Variants in CYYR1 observed in about 807,000 individuals in gnomAD.
CYYR1 encodes the protein cysteine and tyrosine-rich protein 1.
A neutral mutation model predicts 15.2 loss-of-function variants in CYYR1; 14 were observed. That is an observed-to-expected ratio of 0.92 (90% CI 0.61 to 1.44). CYYR1 has a LOEUF of 1.44. Among genes scored for constraint, CYYR1 ranks in the 40% most tolerant of loss-of-function variants. The pLI, the probability that CYYR1 is intolerant of heterozygous loss-of-function variation, is 0.00. For synonymous variants in CYYR1, 80 were observed against 77.4 expected (o/e 1.03, Z -0.18); for missense variants, 228 against 209.5 (o/e 1.09, Z -0.54).
In CYYR1 at chr21:26,474,754, A is replaced by G. The variant is rs554200346; in HGVS notation, c.334+5518T>C. On this transcript the variant is annotated intron_variant, in intron 3 of 3. Coordinates refer to ENST00000652641, the MANE Select transcript of CYYR1 (RefSeq NM_001320768.2). ...TAATAGTGCTATTTTGTAAATCTTA[A>G]TTATAAATCTGACCACCACCCTTTA... is the stretch of plus-strand genomic sequence containing the variant. 1.2e-4 allele frequency among the ~76,000 whole-genome samples: 19 copies of G among 152,262 alleles called. No individual in the cohort carries two copies. In the South Asian group the frequency reaches 3.7e-3, roughly 30 times the overall value.
At chr21:26,483,440 C>G (rs894030951) in intron 2 of CYYR1, 10 of 975,890 alleles carry the variant, frequency 1.0e-5, no homozygotes, top group Admixed American at 6.3e-5. Flanking sequence ...CTTGAAGTAG[C>G]TACTTGGAAG....
At chr21:26,570,190 A>T (rs1424024308) in intron 1 of CYYR1, among the ~76,000 whole-genome samples, 1 of 152,188 alleles carries the variant, frequency 6.6e-6, no homozygotes, top group Non-Finnish European at 1.5e-5. Context: ...TCTTCAGAAG[A>T]TAAATAATAT....
intron 2 of CYYR1, among the ~76,000 whole-genome samples, chr21:26,508,070 A>G (rs1250237599): frequency 6.6e-6 from 1 of 152,234 alleles, no homozygotes; most frequent in Non-Finnish European, 1.5e-5. Context: ...GAGACAATGT[A>G]TAAACAGAGG....
At chr21:26,493,985 T>G (rs934521388) in intron 2 of CYYR1, among the ~76,000 whole-genome samples, 2 of 152,234 alleles carry the variant, frequency 1.3e-5, no homozygotes, top group African/African-American at 4.8e-5. Context: ...GTTCTTAAAC[T>G]TCTGTTAAAC....
intron 2 of CYYR1, among the ~76,000 whole-genome samples, chr21:26,541,114 T>A (rs1601809982): frequency 6.6e-6 from 1 of 152,152 alleles, no homozygotes. Flanking sequence ...AAAAAATATT[T>A]AAAAAATTAG....
chr21:26,506,907 C>T (rs2065574130), intron 2 of CYYR1, among the ~76,000 whole-genome samples: 1 of 152,076 alleles, frequency 6.6e-6, no homozygotes, highest in Non-Finnish European at 1.5e-5. Flanking sequence ...AAGCTGATCA[C>T]AGAGAAAGTA....
At chr21:26,510,106 C>T (rs758121396) in intron 2 of CYYR1, among the ~76,000 whole-genome samples, 9 of 151,822 alleles carry the variant, frequency 5.9e-5, no homozygotes, top group South Asian at 2.1e-4. Flanking sequence ...CTCATGAGAT[C>T]GGGGAAAATA....
chr21:26,564,300 C>T (rs1427028613), intron 2 of CYYR1, among the ~76,000 whole-genome samples: 1 of 152,122 alleles, frequency 6.6e-6, no homozygotes, highest in African/African-American at 2.4e-5. Context: ...AGTATCCCCC[C>T]ACCACTGCCA....
chr21:26,490,165 T>C (rs2123439451), intron 2 of CYYR1, among the ~76,000 whole-genome samples: 1 of 152,054 alleles, frequency 6.6e-6, no homozygotes. Flanking sequence ...AGCCGGTGTG[T>C]GACACACACC....
chr21:26,467,785 C>A lies in CYYR1; in HGVS notation c.*716G>T, dbSNP rs745379605. 2.6e-5 allele frequency: 4 copies of A among 152,230 alleles called. No homozygotes were observed. The highest frequency in any genetic ancestry group is 4.8e-5 in the African/African-American group (2 of 41,436). 9.4% of individuals were successfully genotyped at this position (152,230 alleles called of 1,614,324 possible). ...CCCTAATTAAATAAATAAGATCCAACTCTTTCTGTTGTATTCACTCCTGGA... is the reference window on the plus strand; with the variant it reads ...CCCTAATTAAATAAATAAGATCCAAATCTTTCTGTTGTATTCACTCCTGGA... On this transcript the variant is annotated 3_prime_UTR_variant, in exon 4 of 4. Coordinates refer to ENST00000652641, the MANE Select transcript of CYYR1 (RefSeq NM_001320768.2).
At chr21:26,535,604 A>G (rs2065984806) in intron 2 of CYYR1, among the ~76,000 whole-genome samples, 1 of 152,238 alleles carries the variant, frequency 6.6e-6, no homozygotes, top group Non-Finnish European at 1.5e-5. Flanking sequence ...AATGAATTCT[A>G]AACCAGATAT....
intron 2 of CYYR1, among the ~76,000 whole-genome samples, chr21:26,543,765 G>T (rs138259104): frequency 9.2e-4 from 140 of 152,206 alleles, no homozygotes; most frequent in African/African-American, 3.3e-3. Flanking sequence ...AAATTAGGGG[G>T]TGTGGTTGTG....
intron 2 of CYYR1, among the ~76,000 whole-genome samples, chr21:26,555,621 TTGTTTC>T (rs1979719318): frequency 6.6e-6 from 1 of 152,146 alleles, no homozygotes; most frequent in Non-Finnish European, 1.5e-5. Context: ...AAAATTCTCT[TTGTTTC>T]TGAGTCACAG....
chr21:26,485,134 A>G (rs1047608292), intron 2 of CYYR1, among the ~76,000 whole-genome samples: 6 of 152,068 alleles, frequency 3.9e-5, no homozygotes, highest in African/African-American at 1.4e-4. Context: ...ATTTCAGGGA[A>G]TGTATTTTTT....
intron 2 of CYYR1, chr21:26,564,785 T>A (rs2123727885): frequency 8.0e-7 from 1 of 1,246,502 alleles, no homozygotes; most frequent in East Asian, 5.7e-5. Context: ...GACTTCACAT[T>A]CTCCAAGTTA....
At chr21:26,561,313 G>GT (rs11358960) in intron 2 of CYYR1, among the ~76,000 whole-genome samples, 9,916 of 143,128 alleles carry the variant, frequency 0.069, 328 homozygotes, top group African/African-American at 0.076. Context: ...AATTTAAATG[G>GT]TTTTTTTTTT....
At chr21:26,523,810 T>G (rs2065831536) in intron 2 of CYYR1, among the ~76,000 whole-genome samples, 2 of 152,204 alleles carry the variant, frequency 1.3e-5, no homozygotes, top group African/African-American at 2.4e-5. Flanking sequence ...GTACATTTTC[T>G]GAGCCACAGA....
At chr21:26,480,249 C>T (rs768002809) in intron 3 of CYYR1, 23 bp downstream of exon 3, 34 of 1,589,242 alleles carry the variant, frequency 2.1e-5, no homozygotes, top group South Asian at 1.2e-4. Flanking sequence ...TCTGAGCCTT[C>T]GAGAGTCAAC....
chr21:26,530,532 A>G (rs1324083675), intron 2 of CYYR1, among the ~76,000 whole-genome samples: 1 of 152,034 alleles, frequency 6.6e-6, no homozygotes, highest in African/African-American at 2.4e-5. Flanking sequence ...TTACATATGT[A>G]TACACGTGCC....
Sources: gnomAD v4.1 joint callset for allele counts (sites outside exome capture counted in the v4.1 genomes callset) on GRCh38, gnomAD v4.1.1 for gene constraint, MANE v1.5 for transcripts, NCBI Gene and HGNC (gene_info 2026-07-23, HGNC 2026-07-21) for gene names.